PHLPP2: variants seen among roughly 807,000 people sequenced by gnomAD.
PHLPP2 encodes PH domain leucine-rich repeat-containing protein phosphatase 2.
PHLPP2 carries 66 observed loss-of-function variants against 124.9 expected under a neutral mutation model. That is an observed-to-expected ratio of 0.53 (90% CI 0.43 to 0.65). PHLPP2 has a LOEUF of 0.65. PHLPP2 is among the 30% of genes least tolerant of loss of function. The pLI is 0.00. For synonymous variants in PHLPP2, 681 were observed against 624.7 expected (o/e 1.09, Z -1.34); for missense variants, 1,685 against 1,600.4 (o/e 1.05, Z -0.90).
intron 1 of PHLPP2, among the ~76,000 whole-genome samples, chr16:71,716,610 C>T (rs998360227): frequency 6.6e-6 from 1 of 152,194 alleles, no homozygotes; most frequent in African/African-American, 2.4e-5. Context: ...CAGCTTCGTT[C>T]CCTACTACTG....
At chr16:71,672,632 T>G (rs1018667035) in intron 9 of PHLPP2, among the ~76,000 whole-genome samples, 1 of 152,248 alleles carries the variant, frequency 6.6e-6, no homozygotes, top group Non-Finnish European at 1.5e-5. Context: ...AGACTTTTAC[T>G]GGCAATATTT....
chr16:71,654,192 C>T (rs889784664), intron 17 of PHLPP2, among the ~76,000 whole-genome samples: 1 of 121,718 alleles, frequency 8.2e-6, no homozygotes, highest in African/African-American at 2.9e-5. Context: ...AAGAAGACTC[C>T]GTCTCAAAAA....
At chr16:71,709,952 G>A (rs912167389) in intron 2 of PHLPP2, among the ~76,000 whole-genome samples, 7 of 152,190 alleles carry the variant, frequency 4.6e-5, no homozygotes, top group Middle Eastern at 6.8e-3. Context: ...TCCTACCTCA[G>A]CGTCCCAAGA....
rs969795814 is a variant in PHLPP2, at chr16:71,690,674, G to A, written c.454C>T (p.Leu152=). 14 of 1,613,264 alleles carry A rather than the reference G, an allele frequency of 8.7e-6. No individual in the cohort carries two copies. The African/African-American group carries it at 1.7e-4, about 20-fold the overall frequency. The part of the protein sequence containing the change: ...PCHMDRLDRI[L]LSGIYNVRKG... Reference sequence around the variant, plus strand: ...CGTACATTATAGATGCCAGACAATAGGATTCGATCCAAACGATCCATGTGG... The same window carrying A: ...CGTACATTATAGATGCCAGACAATAAGATTCGATCCAAACGATCCATGTGG... Residue 152 remains leucine (L), a synonymous_variant, in exon 4 of 19, where the codon CTA becomes TTA. Transcript: ENST00000568954.
rs2045421152 is a variant in PHLPP2 at position 71,724,610 on chromosome 16, T to C, written c.-288A>G. 2 of 152,246 alleles carry C rather than the reference T, an allele frequency of 1.3e-5. No individual in the cohort carries two copies. The highest frequency in any genetic ancestry group is 4.1e-4 in the South Asian group (2 of 4,838). The allele number at this position is 152,246 out of a possible 1,614,324, so 9.4% of individuals were successfully genotyped here. Reference sequence around the variant, plus strand: ...GTTTTTCTTTTCGTTCTCGCAGTGATAGTAGTTTTGTTGCCAATGGGCCAA... The same window carrying C: ...GTTTTTCTTTTCGTTCTCGCAGTGACAGTAGTTTTGTTGCCAATGGGCCAA... On this transcript the variant is annotated 5_prime_UTR_variant, in exon 1 of 19. Transcript: ENST00000568954.
chr16:71,705,948 A>G (rs1193524252), intron 2 of PHLPP2, among the ~76,000 whole-genome samples: 1 of 152,252 alleles, frequency 6.6e-6, no homozygotes, highest in Non-Finnish European at 1.5e-5. Flanking sequence ...AAAAGTAGAC[A>G]GTATTGGGGA....
intron 13 of PHLPP2, among the ~76,000 whole-genome samples, chr16:71,663,414 C>T (rs1264628831): frequency 2.0e-5 from 3 of 152,116 alleles, no homozygotes; most frequent in African/African-American, 7.2e-5. Flanking sequence ...CCCAGCCAAA[C>T]ACCCTGCCTT....
chr16:71,666,387 C>T (rs2044840289), intron 12 of PHLPP2, among the ~76,000 whole-genome samples: 3 of 152,012 alleles, frequency 2.0e-5, no homozygotes, highest in South Asian at 4.2e-4. Flanking sequence ...GTGGTGCATC[C>T]CTGTGGTCCC....
intron 11 of PHLPP2, among the ~76,000 whole-genome samples, chr16:71,667,794 A>G (rs748665355): frequency 6.6e-6 from 1 of 152,250 alleles, no homozygotes; most frequent in Non-Finnish European, 1.5e-5. Flanking sequence ...TGATTTGCCT[A>G]AGATTTCACA....
chr16:71,680,735 T>C (rs1274632199), intron 6 of PHLPP2, among the ~76,000 whole-genome samples: 6 of 152,226 alleles, frequency 3.9e-5, no homozygotes, highest in African/African-American at 7.2e-5. Context: ...TTTCAACTTC[T>C]GATTTCCGGA....
intron 17 of PHLPP2, among the ~76,000 whole-genome samples, chr16:71,653,727 G>C (rs1175938482): frequency 1.3e-5 from 2 of 152,150 alleles, no homozygotes; most frequent in Admixed American, 1.3e-4. Flanking sequence ...TTCCTGGCTT[G>C]AGTTGCTTCA....
rs549086068 is a variant in PHLPP2 at position 71,707,485 on chromosome 16, G to A, written c.285-4754C>T. ...AACCACCATGTGATTAGAGGGTTGG[G>A]GCTCTGAGCCACCCTGACCTGGGTG... is the stretch of plus-strand genomic sequence containing the variant. On this transcript the variant is annotated intron_variant, in intron 2 of 18. Transcript: ENST00000568954. 4.6e-5 allele frequency among the ~76,000 whole-genome samples: 7 copies of A among 152,194 alleles called. No homozygotes were observed. In the South Asian group the frequency reaches 1.2e-3, roughly 27 times the overall value.
rs140462004 is a variant in PHLPP2, at chr16:71,717,204, T to C, written c.-6-2403A>G. 4.3e-4 allele frequency among the ~76,000 whole-genome samples: 66 copies of C among 152,344 alleles called. 1 individual carries two copies. The East Asian group carries it at 8.3e-3, about 19-fold the overall frequency. Reference sequence around the variant, plus strand: ...CCTCATTGGAAAATAGAAATACCTATAAATACAGCAAATACTATTTTTATA... The same window carrying C: ...CCTCATTGGAAAATAGAAATACCTACAAATACAGCAAATACTATTTTTATA... On this transcript the variant is annotated intron_variant, in intron 1 of 18. Transcript: ENST00000568954.
intron 3 of PHLPP2, among the ~76,000 whole-genome samples, chr16:71,691,190 C>A (rs1382849794): frequency 1.3e-5 from 2 of 152,118 alleles, no homozygotes; most frequent in Non-Finnish European, 2.9e-5. Flanking sequence ...GCAGTGGCTC[C>A]CGCCTGCAAT....
In PHLPP2 at chr16:71,652,970, G is replaced by A. The variant is rs767774781; in HGVS notation, c.2637C>T (p.Tyr879=). ...QKLGSSALLC[Y]IRPDTADPAS... ...CTGGATCGGCAGTGTCAGGGCGGATGTAGCACAGGAGAGCGGAGGAGCCCA... is the reference window on the plus strand; with the variant it reads ...CTGGATCGGCAGTGTCAGGGCGGATATAGCACAGGAGAGCGGAGGAGCCCA... Residue 879 remains tyrosine (Y), a synonymous_variant, in exon 18 of 19, where the codon TAC becomes TAT. Coordinates refer to ENST00000568954, the MANE Select transcript of PHLPP2 (RefSeq NM_015020.3). The A allele has an allele frequency of 3.7e-6, 6 of 1,613,868 alleles. No individual in the cohort carries two copies. Among genetic ancestry groups the A allele is most frequent in the African/African-American group, 1.3e-5 (1 of 74,930 alleles).
intron 1 of PHLPP2, among the ~76,000 whole-genome samples, chr16:71,720,234 G>T (rs1157513213): frequency 1.3e-5 from 2 of 151,746 alleles, no homozygotes; most frequent in Non-Finnish European, 2.9e-5. Flanking sequence ...CTCCCAAAGT[G>T]CTGGGATTAC....
chr16:71,653,995 A>G (rs2145306110), intron 17 of PHLPP2, among the ~76,000 whole-genome samples: 1 of 151,758 alleles, frequency 6.6e-6, no homozygotes, highest in Non-Finnish European at 1.5e-5. Context: ...GGAGATCGAG[A>G]CCATCCTGGC....
At chr16:71,692,261 G>T (rs1233062280) in intron 3 of PHLPP2, among the ~76,000 whole-genome samples, 1 of 152,058 alleles carries the variant, frequency 6.6e-6, no homozygotes, top group African/African-American at 2.4e-5. Context: ...AGTAGAGACG[G>T]GGTTTCACTG....
At chr16:71,692,441 G>C (rs2045124331) in intron 3 of PHLPP2, among the ~76,000 whole-genome samples, 1 of 151,998 alleles carries the variant, frequency 6.6e-6, no homozygotes, top group African/African-American at 2.4e-5. Flanking sequence ...TTTAACTTAG[G>C]TATCACTTTG....
Sources: gnomAD v4.1 joint callset for allele counts (sites outside exome capture counted in the v4.1 genomes callset) on GRCh38, gnomAD v4.1.1 for gene constraint, MANE v1.5 for transcripts, NCBI Gene and HGNC (gene_info 2026-07-23, HGNC 2026-07-21) for gene names.